CDH10: variants seen among roughly 807,000 people sequenced by gnomAD.
CDH10 encodes cadherin-10.
Under a neutral mutation model 73.1 loss-of-function variants are expected in CDH10, and 30 were observed. That is an observed-to-expected ratio of 0.41 (90% CI 0.31 to 0.56). The LOEUF is 0.56. Ranked by LOEUF, CDH10 falls within the 20% of genes least tolerant of loss-of-function variation. The probability of loss-of-function intolerance (pLI) is 0.27; values close to 1 mark genes in which losing one functional copy is unlikely to be tolerated. For synonymous variants in CDH10, 345 were observed against 348.2 expected, an observed-to-expected ratio of 0.99 and a Z score of 0.10; for missense variants, 815 against 973.7, an observed-to-expected ratio of 0.84 and a Z score of 2.17.
At chr5:24,512,914 G>C (rs183784049) in intron 5 of CDH10, among the ~76,000 whole-genome samples, 2 of 152,214 alleles carry the variant, frequency 1.3e-5, no homozygotes, top group Admixed American at 1.3e-4. Flanking sequence ...TTCCATGAAA[G>C]ATATGGACCA....
intron 1 of CDH10, among the ~76,000 whole-genome samples, chr5:24,607,560 C>G (rs1328508692): frequency 6.6e-6 from 1 of 152,132 alleles, no homozygotes; most frequent in Non-Finnish European, 1.5e-5. Flanking sequence ...TTACAACAAT[C>G]CCTGGCAAAT....
At chr5:24,639,756 T>G (rs1296552956) in intron 1 of CDH10, among the ~76,000 whole-genome samples, 1 of 151,806 alleles carries the variant, frequency 6.6e-6, no homozygotes, top group Non-Finnish European at 1.5e-5. Context: ...AAACATGTAA[T>G]TTATGTTTAT....
chr5:24,626,780 C>CTATA lies in CDH10; in HGVS notation c.-124+17810_-124+17813dup, dbSNP rs35149680. ...CAGAGCAAGACTCTGTCTCAAAAAC[C>CTATA]TATATATATATATGTGTGTGTGTGT... On this transcript the variant is annotated intron_variant, in intron 1 of 11. Transcript: ENST00000264463. Among the ~76,000 whole-genome samples, 810 of 145,764 alleles carry CTATA rather than the reference C, an allele frequency of 5.6e-3. 17 individuals carry two copies. The highest frequency in any genetic ancestry group is 0.019 in the African/African-American group (759 of 39,256).
At chr5:24,492,551 T>A (rs1182680674) in intron 10 of CDH10, among the ~76,000 whole-genome samples, 2 of 152,192 alleles carry the variant, frequency 1.3e-5, no homozygotes, top group African/African-American at 4.8e-5. Flanking sequence ...TTGTAAGAAT[T>A]ATCTCCAGCC....
At chr5:24,583,119 A>ACT (rs1745863964) in intron 2 of CDH10, among the ~76,000 whole-genome samples, 1 of 152,038 alleles carries the variant, frequency 6.6e-6, no homozygotes, top group African/African-American at 2.4e-5. Flanking sequence ...TGCACCCATT[A>ACT]GAAAGAATAT....
chr5:24,574,181 C>T (rs13184294), intron 2 of CDH10, among the ~76,000 whole-genome samples: 58,537 of 151,944 alleles, frequency 0.39, 13,732 homozygotes, highest in East Asian at 0.54. Flanking sequence ...CCACTGCGCC[C>T]GGCCTATCAT....
chr5:24,627,754 T>C (rs1359917627), intron 1 of CDH10, among the ~76,000 whole-genome samples: 1 of 152,122 alleles, frequency 6.6e-6, no homozygotes, highest in South Asian at 2.1e-4. Context: ...CCTTTATTTA[T>C]TTGCTTTAAC....
rs144748755 is a variant in CDH10, at chr5:24,499,165, A to G, written c.1394-646T>C. ...CAAATTTCTGTTTGAAAATTTTATT[A>G]TATGGCTACTTATCTTACAAACTAG... is the stretch of plus-strand genomic sequence containing the variant. On this transcript the variant is annotated intron_variant, in intron 8 of 11. Transcript: ENST00000264463. 1.1e-3 allele frequency among the ~76,000 whole-genome samples: 174 copies of G among 152,346 alleles called. 1 individual carries two copies. The highest frequency in any genetic ancestry group is 3.9e-3 in the African/African-American group (162 of 41,582).
chr5:24,601,507 CAG>C (rs1189227881), intron 1 of CDH10, among the ~76,000 whole-genome samples: 2 of 152,084 alleles, frequency 1.3e-5, no homozygotes, highest in Non-Finnish European at 2.9e-5. Context: ...ACAGATAAGA[CAG>C]ACCCACTGGG....
chr5:24,509,336 T>C, intron 7 of CDH10, among the ~76,000 whole-genome samples: 1 of 140,756 alleles, frequency 7.1e-6, no homozygotes, highest in African/African-American at 2.6e-5. Context: ...GCCTCCCGGG[T>C]TCAAGTGATT....
intron 2 of CDH10, among the ~76,000 whole-genome samples, chr5:24,563,879 A>G (rs1745064975): frequency 6.6e-6 from 1 of 152,080 alleles, no homozygotes; most frequent in African/African-American, 2.4e-5. Context: ...TGTATAGAAT[A>G]ATGGTTTTCT....
chr5:24,525,844 C>T (rs1250700817), intron 5 of CDH10, among the ~76,000 whole-genome samples: 1 of 152,074 alleles, frequency 6.6e-6, no homozygotes, highest in Non-Finnish European at 1.5e-5. Flanking sequence ...CTTGACAAAG[C>T]TTTCAGCGAA....
intron 2 of CDH10, among the ~76,000 whole-genome samples, chr5:24,544,542 A>G (rs1744272323): frequency 2.0e-5 from 3 of 152,202 alleles, no homozygotes; most frequent in Non-Finnish European, 4.4e-5. Flanking sequence ...AGGGTTCCCC[A>G]GAGATTTCCT....
In CDH10 at chr5:24,498,512, G is replaced by C. The variant is rs747033725; in HGVS notation, c.1401C>G (p.Pro467=). The C allele has an allele frequency of 6.2e-7, 1 of 1,600,084 alleles. No homozygotes were observed. Residue 467 remains proline, a synonymous_variant, in exon 9 of 12, where the codon CCC becomes CCG. Coordinates refer to ENST00000264463, the MANE Select transcript of CDH10 (RefSeq NM_006727.5). ...AAACAGCCACGCGTGTTGTCTCTTT[G>C]GGATTGTCTGGAAAAGGGGAAGAAA... ...LTVIAAEINN[P]KETTRVAVFV...
chr5:24,491,951 C>A, intron 10 of CDH10, 124 bp from the exon 11 acceptor site: 2 of 599,040 alleles, frequency 3.3e-6, no homozygotes, highest in South Asian at 2.7e-5. Flanking sequence ...TATACATTTT[C>A]CTAAAAAACA....
intron 1 of CDH10, among the ~76,000 whole-genome samples, chr5:24,595,589 A>G (rs770353861): frequency 1.2e-4 from 18 of 151,944 alleles, no homozygotes; most frequent in Non-Finnish European, 2.4e-4. Context: ...AACATTTACC[A>G]AAATAGTGGC....
chr5:24,587,421 C>T (rs1746060778), intron 2 of CDH10, among the ~76,000 whole-genome samples: 1 of 151,972 alleles, frequency 6.6e-6, no homozygotes, highest in Non-Finnish European at 1.5e-5. Flanking sequence ...TGTATTGTCT[C>T]CAAGAAAGAA....
chr5:24,589,999 T>A lies in CDH10; in HGVS notation c.231+3261A>T, dbSNP rs148090766. On this transcript the variant is annotated intron_variant, in intron 2 of 11. Transcript: ENST00000264463. ...TGAGTATATAGGAAATACCTACATA[T>A]TCCAATAAATTCCAGTATACAGGAA... 3.8e-3 allele frequency among the ~76,000 whole-genome samples: 583 copies of A among 152,148 alleles called. 1 individual carries two copies. Among genetic ancestry groups the A allele is most frequent in the Middle Eastern group, 0.017 (5 of 294 alleles).
At chr5:24,515,787 C>T (rs902442546) in intron 5 of CDH10, among the ~76,000 whole-genome samples, 5 of 152,190 alleles carry the variant, frequency 3.3e-5, no homozygotes, top group East Asian at 1.9e-4. Context: ...GCAATTCCCA[C>T]GTGTCATGGG....
Sources: gnomAD v4.1 joint callset for allele counts (sites outside exome capture counted in the v4.1 genomes callset) on GRCh38, gnomAD v4.1.1 for gene constraint, MANE v1.5 for transcripts, NCBI Gene and HGNC (gene_info 2026-07-23, HGNC 2026-07-21) for gene names.